CHIC1: variants seen among roughly 807,000 people sequenced by gnomAD.
CHIC1 encodes the protein cysteine-rich hydrophobic domain-containing protein 1.
CHIC1 carries 7 observed loss-of-function variants against 18.5 expected under a neutral mutation model. That is an observed-to-expected ratio of 0.38 (90% confidence interval 0.22 to 0.71). The LOEUF is 0.71. Among genes scored for constraint, CHIC1 ranks in the 30% least tolerant of loss-of-function variants. The probability of loss-of-function intolerance (pLI) is 0.49; values close to 1 mark genes in which losing one functional copy is unlikely to be tolerated. For missense variants in CHIC1, 159 were observed against 176.9 expected (o/e 0.90, Z 0.57); for synonymous variants, 77 against 73.5 (o/e 1.05, Z -0.25).
intron 3 of CHIC1, among the ~76,000 whole-genome samples, chrX:73,654,786 T>G (rs1473429724): frequency 8.9e-6 from 1 of 112,159 alleles, no homozygotes; most frequent in African/African-American, 3.2e-5. Flanking sequence ...TTGTCCATTA[T>G]TTTGGTTTTC....
At chrX:73,569,157 T>A (rs1242719023) in intron 1 of CHIC1, among the ~76,000 whole-genome samples, 2 of 111,776 alleles carry the variant, frequency 1.8e-5, no homozygotes, top group Non-Finnish European at 3.8e-5. Context: ...GAATCAGTAT[T>A]CCTATAAGTG....
Position 73,685,764 on chromosome X carries a change from C to A in CHIC1, c.*4759C>A, listed in dbSNP as rs2058119025. 2 of 111,497 alleles carry A rather than the reference C, an allele frequency of 1.8e-5. No homozygotes were observed. The highest frequency in any genetic ancestry group is 6.5e-5 in the African/African-American group (2 of 30,771). 9.2% of individuals were successfully genotyped at this position (111,497 alleles called of 1,213,427 possible). A position where few individuals can be genotyped will look rare whatever the true frequency, so the allele number is the denominator to read the frequency against. On this transcript the variant is annotated 3_prime_UTR_variant, in exon 6 of 6. Transcript: ENST00000373502. Reference sequence around the variant, plus strand: ...TTTCTTTAAATCCATGCTATGTTTTCTTTTTCAGTCAGGTCCTACAGAATG... The same window carrying A: ...TTTCTTTAAATCCATGCTATGTTTTATTTTTCAGTCAGGTCCTACAGAATG...
chrX:73,624,098 A>G (rs1408996166), intron 3 of CHIC1, among the ~76,000 whole-genome samples: 1 of 109,707 alleles, frequency 9.1e-6, no homozygotes, highest in African/African-American at 3.3e-5. Context: ...GAATCAGCCC[A>G]TTCCCCATGG....
chrX:73,673,882 G>T (rs892416286), intron 3 of CHIC1, among the ~76,000 whole-genome samples: 1 of 111,491 alleles, frequency 9.0e-6, no homozygotes, highest in African/African-American at 3.3e-5. Flanking sequence ...TTTGGTTGTG[G>T]GTTTGTCATA....
At chrX:73,590,202 T>C (rs1172834903) in intron 3 of CHIC1, among the ~76,000 whole-genome samples, 1 of 111,297 alleles carries the variant, frequency 9.0e-6, no homozygotes, top group African/African-American at 3.3e-5. Flanking sequence ...AAGAACTTCT[T>C]TTAGTGTTTC....
chrX:73,657,773 C>T (rs1039326065), intron 3 of CHIC1, among the ~76,000 whole-genome samples: 5 of 108,279 alleles, frequency 4.6e-5, no homozygotes, highest in African/African-American at 1.7e-4. Flanking sequence ...TGGCTCTTAT[C>T]ATTTTGAGGT....
intron 1 of CHIC1, 102 bp downstream of exon 1, chrX:73,563,682 T>G: frequency 1.2e-6 from 1 of 813,593 alleles, no homozygotes; most frequent in Non-Finnish European, 1.6e-6. Context: ...GTTGACTGAT[T>G]GACTGAGGCG....
intron 3 of CHIC1, among the ~76,000 whole-genome samples, chrX:73,592,714 C>T (rs1413584631): frequency 1.8e-5 from 2 of 109,715 alleles, no homozygotes; most frequent in Non-Finnish European, 3.8e-5. Context: ...ATGCTGGCTT[C>T]ATAGGATGAA....
chrX:73,622,274 C>T (rs370360405), intron 3 of CHIC1, among the ~76,000 whole-genome samples: 4 of 111,757 alleles, frequency 3.6e-5, no homozygotes, highest in Admixed American at 2.9e-4. Context: ...AGGCATGGTA[C>T]CAGCTCCTGT....
At chrX:73,665,789 C>A (rs776231235) in intron 3 of CHIC1, among the ~76,000 whole-genome samples, 1 of 111,499 alleles carries the variant, frequency 9.0e-6, no homozygotes, top group African/African-American at 3.3e-5. Flanking sequence ...TTTGCCTGGT[C>A]GCATGGCTAG....
intron 3 of CHIC1, among the ~76,000 whole-genome samples, chrX:73,598,338 T>TA (rs200577493): frequency 0.052 from 5,633 of 109,301 alleles, 340 homozygotes; most frequent in African/African-American, 0.16. Flanking sequence ...TCTTTTTTTT[T>TA]TTATTATTAT....
chrX:73,664,305 T>C (rs1459769616), intron 3 of CHIC1, among the ~76,000 whole-genome samples: 1 of 111,491 alleles, frequency 9.0e-6, no homozygotes, highest in East Asian at 2.8e-4. Context: ...GTCTCTACTA[T>C]TGGGGGGCAT....
At chrX:73,662,034 A>T (rs919959692) in intron 3 of CHIC1, among the ~76,000 whole-genome samples, 1 of 109,376 alleles carries the variant, frequency 9.1e-6, no homozygotes, top group Non-Finnish European at 1.9e-5. Flanking sequence ...AACTTAAAGT[A>T]TAATAATAAA....
chrX:73,664,917 A>G (rs1038806715), intron 3 of CHIC1, among the ~76,000 whole-genome samples: 4 of 112,014 alleles, frequency 3.6e-5, no homozygotes, highest in Non-Finnish European at 7.5e-5. Flanking sequence ...GACTAGTCCC[A>G]TGGGGTCATA....
chrX:73,573,202 G>T (rs762636035), intron 1 of CHIC1, among the ~76,000 whole-genome samples: 1 of 110,816 alleles, frequency 9.0e-6, no homozygotes, highest in East Asian at 2.8e-4. Flanking sequence ...GAATAGAGGG[G>T]CCCTTCTCCA....
intron 3 of CHIC1, among the ~76,000 whole-genome samples, chrX:73,643,932 A>G (rs1263152724): frequency 2.7e-5 from 3 of 111,930 alleles, no homozygotes; most frequent in African/African-American, 9.8e-5. Context: ...CCTTTGGAGG[A>G]GGAGAGGCGC....
At chrX:73,662,449 A>T (rs914003873) in intron 3 of CHIC1, among the ~76,000 whole-genome samples, 1 of 101,175 alleles carries the variant, frequency 9.9e-6, no homozygotes, top group Admixed American at 1.1e-4. Flanking sequence ...AATATTGTGG[A>T]TCTTATGCGA....
intron 3 of CHIC1, among the ~76,000 whole-genome samples, chrX:73,666,523 G>T (rs1284860856): frequency 1.8e-5 from 2 of 111,908 alleles, no homozygotes; most frequent in Admixed American, 1.9e-4. Flanking sequence ...GTGCCCACCA[G>T]ATTAAGGGTG....
At chrX:73,622,809 C>T (rs1007461064) in intron 3 of CHIC1, among the ~76,000 whole-genome samples, 1 of 112,214 alleles carries the variant, frequency 8.9e-6, no homozygotes. Context: ...TTCCCGCTTT[C>T]TTCTGTGGGC....
Sources: gnomAD v4.1 joint callset for allele counts (sites outside exome capture counted in the v4.1 genomes callset) on GRCh38, gnomAD v4.1.1 for gene constraint, MANE v1.5 for transcripts, NCBI Gene and HGNC (gene_info 2026-07-23, HGNC 2026-07-21) for gene names.